The following VGLL4 variants were observed in gnomAD, a reference collection of about 807,000 sequenced individuals.
VGLL4 encodes the protein vestigial like family member 4, also known as transcription cofactor vestigial-like protein 4.
In VGLL4, 7 loss-of-function variants were observed where a neutral mutation model predicts 21.0. That is an observed-to-expected ratio of 0.33 (90% confidence interval 0.19 to 0.63). The LOEUF (loss-of-function observed/expected upper bound fraction) is 0.63. Ranked by LOEUF, VGLL4 falls within the 20% of genes least tolerant of loss-of-function variation. The pLI, the probability that VGLL4 is intolerant of heterozygous loss-of-function variation, is 0.78. For synonymous variants in VGLL4, 222 were observed against 173.2 expected, an observed-to-expected ratio of 1.28 and a Z score of -2.21; for missense variants, 394 against 425.7, an observed-to-expected ratio of 0.93 and a Z score of 0.66.
At chr3:11,707,327 CAAA>C (rs34222383) in intron 1 of VGLL4, among the ~76,000 whole-genome samples, 3 of 43,028 alleles carry the variant, frequency 7.0e-5, no homozygotes, top group African/African-American at 9.8e-5. Flanking sequence ...GACCCTGCCT[CAAA>C]AAAAAAAAAA....
chr3:11,641,291 C>A (rs1380988428), intron 1 of VGLL4, among the ~76,000 whole-genome samples: 1 of 152,108 alleles, frequency 6.6e-6, no homozygotes, highest in Non-Finnish European at 1.5e-5. Flanking sequence ...TCTTAAGGGG[C>A]ATGAAACTTG....
chr3:11,665,591 T>C (rs1162160759), intron 2 of VGLL4, among the ~76,000 whole-genome samples: 1 of 152,148 alleles, frequency 6.6e-6, no homozygotes, highest in Non-Finnish European at 1.5e-5. Context: ...GCATCCAGCA[T>C]TGCTCCCTGC....
rs1215910919 is a variant in VGLL4 at position 11,711,495 on chromosome 3, AGGCAG to A, written c.-13-8453_-13-8449del. 4.6e-5 allele frequency among the ~76,000 whole-genome samples: 7 copies of A among 151,628 alleles called. No homozygotes were observed. In the East Asian group the frequency reaches 1.4e-3, roughly 29 times the overall value. ...GGCAGAAGAATGGCGTGAACCCGGG[AGGCAG>A]AGCTTGCAGTGAGCCGAGGTTGCGC... On this transcript the variant is annotated intron_variant, in intron 1 of 5. Coordinates refer to the VGLL4 transcript ENST00000273038.
chr3:11,686,656 C>T (rs976112812), intron 2 of VGLL4, among the ~76,000 whole-genome samples: 2 of 152,136 alleles, frequency 1.3e-5, no homozygotes, highest in Non-Finnish European at 2.9e-5. Context: ...TGGTAAATTT[C>T]ATGTTATGTG....
upstream of VGLL4, among the ~76,000 whole-genome samples, chr3:11,644,457 G>T (rs935889203): frequency 6.6e-6 from 1 of 152,138 alleles, no homozygotes; most frequent in African/African-American, 2.4e-5. Context: ...TTTCACAGCA[G>T]AGGAAACAGG....
upstream of VGLL4, chr3:11,721,302 T>C (rs932957427): frequency 6.6e-6 from 1 of 152,236 alleles, no homozygotes; most frequent in Non-Finnish European, 1.5e-5. Context: ...TTAGCCCCTG[T>C]TGGATATGCA....
intron 2 of VGLL4, among the ~76,000 whole-genome samples, chr3:11,583,718 A>G (rs1393949356): frequency 6.6e-6 from 1 of 152,150 alleles, no homozygotes; most frequent in East Asian, 1.9e-4. Context: ...CCTCTGGGAG[A>G]CAGTGGCCAT....
intron 2 of VGLL4, among the ~76,000 whole-genome samples, chr3:11,672,747 C>T (rs2076234909): frequency 6.6e-6 from 1 of 152,190 alleles, no homozygotes; most frequent in South Asian, 2.1e-4. Flanking sequence ...ATTTATAATG[C>T]TACGGAAAAG....
chr3:11,644,987 A>C (rs2075766413), upstream of VGLL4, among the ~76,000 whole-genome samples: 1 of 151,722 alleles, frequency 6.6e-6, no homozygotes, highest in African/African-American at 2.4e-5. Context: ...AATTATTTTC[A>C]TTTGGCATGT....
rs769586810 is a variant in VGLL4, at chr3:11,568,782, A to G, written c.273-3763T>C. 15 of 1,473,208 alleles carry G rather than the reference A, an allele frequency of 1.0e-5. No homozygotes were observed. Among genetic ancestry groups the G allele is most frequent in the Non-Finnish European group, 1.3e-5 (15 of 1,114,884 alleles). The allele number at this position is 1,473,208 out of a possible 1,614,324, so 91.3% of individuals were successfully genotyped here. ...ATGGAAGTCGCCTCCGCTCCTGGTC[A>G]GGACTGTGCCCGAGAGAGCCCACGG... is the stretch of plus-strand genomic sequence containing the variant. On this transcript the variant is annotated intron_variant, in intron 2 of 4. Coordinates refer to ENST00000430365, the MANE Select transcript of VGLL4 (RefSeq NM_001128219.3). This position sits in a 1 kb window ranked among gnomAD's most constrained non-coding sequence, Gnocchi z 5.9.
At chr3:11,695,672 G>A (rs942551666) in intron 2 of VGLL4, among the ~76,000 whole-genome samples, 17 of 152,228 alleles carry the variant, frequency 1.1e-4, no homozygotes, top group Admixed American at 6.5e-4. Flanking sequence ...CCAGTGATTC[G>A]TGTGGGGAAA....
intron 1 of VGLL4, chr3:11,604,646 T>G: frequency 3.0e-6 from 2 of 665,630 alleles, no homozygotes; most frequent in Non-Finnish European, 3.7e-6. Flanking sequence ...CAATCTTGAC[T>G]CCTCCTTTAT....
At chr3:11,671,722 T>G (rs1260178336) in intron 2 of VGLL4, among the ~76,000 whole-genome samples, 5 of 98,884 alleles carry the variant, frequency 5.1e-5, no homozygotes, top group African/African-American at 2.0e-4. Flanking sequence ...AAAAATTCAC[T>G]TTTTTTTTTT....
chr3:11,634,074 A>G (rs868385531), intron 1 of VGLL4, among the ~76,000 whole-genome samples: 2 of 152,122 alleles, frequency 1.3e-5, no homozygotes, highest in Non-Finnish European at 2.9e-5. Context: ...CAAAGCTTCA[A>G]GTATTCTCTA....
At chr3:11,661,578 C>T (rs1289926517) in intron 2 of VGLL4, among the ~76,000 whole-genome samples, 4 of 152,004 alleles carry the variant, frequency 2.6e-5, no homozygotes, top group Non-Finnish European at 5.9e-5. Context: ...TCAAGCGATT[C>T]TCCTGCCTCA....
At chr3:11,720,199 C>T (rs905600575) in intron 1 of VGLL4, among the ~76,000 whole-genome samples, 1 of 133,290 alleles carries the variant, frequency 7.5e-6, no homozygotes, top group African/African-American at 2.9e-5. Flanking sequence ...CTGCGGCACC[C>T]ACGCCGCCCT....
Position 11,715,366 on chromosome 3 carries a change from A to T in VGLL4, c.-14+5028T>A, listed in dbSNP as rs150856569. On this transcript the variant is annotated intron_variant, in intron 1 of 5. Transcript: ENST00000273038. The stretch of plus-strand genomic sequence containing the variant: ...TTTTATTTTTTGAGATGGAGCCTTG[A>T]TCTGTCGCCTAGGCTGGAGTGCAAT... Among the ~76,000 whole-genome samples the T allele has an allele frequency of 9.6e-3, 1,453 of 152,028 alleles. 11 individuals are homozygous for T. The highest frequency in any genetic ancestry group is 0.016 in the Admixed American group (250 of 15,260).
intron 1 of VGLL4, among the ~76,000 whole-genome samples, chr3:11,613,911 C>T (rs150814128): frequency 3.3e-5 from 5 of 152,310 alleles, no homozygotes; most frequent in Non-Finnish European, 7.4e-5. Context: ...AGCCACTAGC[C>T]GATGGAAGGG....
chr3:11,697,550 G>T (rs2076622123), intron 2 of VGLL4, among the ~76,000 whole-genome samples: 1 of 152,176 alleles, frequency 6.6e-6, no homozygotes, highest in Non-Finnish European at 1.5e-5. Flanking sequence ...CCCATAAGAG[G>T]TTCACTTGGC....
Sources: gnomAD v4.1 joint callset for allele counts (sites outside exome capture counted in the v4.1 genomes callset) on GRCh38, gnomAD v4.1.1 for gene constraint, Gnocchi (gnomAD v3.1) non-coding constraint, MANE v1.5 for transcripts, NCBI Gene and HGNC (gene_info 2026-07-23, HGNC 2026-07-21) for gene names.